KIF26A: variants seen among roughly 807,000 people sequenced by gnomAD.
KIF26A encodes kinesin-like protein KIF26A.
A neutral mutation model predicts 126.0 loss-of-function variants in KIF26A; 74 were observed. The observed-to-expected ratio is 0.59, with a 90% CI of 0.49 to 0.71. The LOEUF (loss-of-function observed/expected upper bound fraction) is 0.71. Ranked by LOEUF, KIF26A falls within the 30% of genes least tolerant of loss-of-function variation. KIF26A has a pLI of 0.00. For missense variants in KIF26A, 2,984 were observed against 2,763.3 expected (o/e 1.08, Z -1.79); for synonymous variants, 1,445 against 1,232.7 (o/e 1.17, Z -3.61).
At chr14:104,163,719 A>G (rs1319762336) in intron 4 of KIF26A, among the ~76,000 whole-genome samples, 2 of 146,758 alleles carry the variant, frequency 1.4e-5, no homozygotes, top group Non-Finnish European at 3.0e-5. Flanking sequence ...CGGGGCGGCC[A>G]TGGGCCCCGA....
intron 5 of KIF26A, among the ~76,000 whole-genome samples, chr14:104,171,009 C>T: frequency 6.6e-6 from 1 of 152,264 alleles, no homozygotes; most frequent in East Asian, 1.9e-4. Context: ...CCAACCCACC[C>T]TCAGCCTGCC....
chr14:104,176,728 G>C lies in KIF26A; in HGVS notation c.3940G>C (p.Gly1314Arg). The C allele has an allele frequency of 1.9e-6, 3 of 1,587,702 alleles. No individual in the cohort carries two copies. The highest frequency in any genetic ancestry group is 2.6e-6 in the Non-Finnish European group (3 of 1,168,134). ...PPLRRGATTLGVTTPAVSWGD... is the reference protein window; with the variant it reads ...PPLRRGATTLRVTTPAVSWGD... ...GCTGCGGAGGGGTGCCACCACGCTG[G>C]GTGTGACAACGCCAGCTGTGTCCTG... Residue 1314 changes from glycine (G) to arginine (R), a missense_variant, in exon 12 of 15, where the codon GGT (glycine) becomes CGT (arginine). Gly to Arg is a moderately radical substitution (Grantham distance 125, BLOSUM62 -2). Coordinates refer to ENST00000423312, the MANE Select transcript of KIF26A (RefSeq NM_015656.2).
At position 104,145,212 on chromosome 14, in the gene KIF26A, C is replaced by T. The variant is rs573911570; in HGVS notation, c.288+5924C>T. 3.3e-5 allele frequency among the ~76,000 whole-genome samples: 5 copies of T among 152,374 alleles called. No homozygotes were observed. In the South Asian group the frequency reaches 8.3e-4, roughly 25 times the overall value. ...GTCGTCACTGTTGCTTCTTCCGGCGCTCAGGGTCACTTTTCCTTCCAGTGT... is the reference window on the plus strand; with the variant it reads ...GTCGTCACTGTTGCTTCTTCCGGCGTTCAGGGTCACTTTTCCTTCCAGTGT... On this transcript the variant is annotated intron_variant, in intron 2 of 14. Transcript: ENST00000423312.
chr14:104,143,247 A>G (rs1445999013), intron 2 of KIF26A, among the ~76,000 whole-genome samples: 2 of 152,188 alleles, frequency 1.3e-5, no homozygotes, highest in East Asian at 1.9e-4. Context: ...GCAGCTGAAC[A>G]GTGAGGGAAG....
chr14:104,166,384 T>C (rs2037902704), intron 4 of KIF26A, among the ~76,000 whole-genome samples: 1 of 152,142 alleles, frequency 6.6e-6, no homozygotes, highest in Non-Finnish European at 1.5e-5. Flanking sequence ...GCCTCCATTG[T>C]CACCTCATCC....
At chr14:104,162,236 A>G (rs2037839933) in intron 4 of KIF26A, among the ~76,000 whole-genome samples, 1 of 152,148 alleles carries the variant, frequency 6.6e-6, no homozygotes, top group Non-Finnish European at 1.5e-5. Flanking sequence ...GATGGGCCCC[A>G]GGAGGAGGAG....
In KIF26A at chr14:104,172,698, T is replaced by C. The variant is rs1004880; in HGVS notation, c.1420+30T>C. The C allele has an allele frequency of 3.2e-3, 4,873 of 1,519,850 alleles. 149 individuals carry two copies. The African/African-American group carries it at 0.061, about 19-fold the overall frequency. The allele number at this position is 1,519,850 out of a possible 1,614,324, so 94.1% of individuals were successfully genotyped here. On this transcript the variant is annotated intron_variant, in intron 7 of 14. Coordinates refer to ENST00000423312, the MANE Select transcript of KIF26A (RefSeq NM_015656.2). ...GCACCCTTGCCCCACCCTAGATGGG[T>C]CCTGCTGGCCACCCCCTCCCATCCT... is the stretch of plus-strand genomic sequence containing the variant.
At chr14:104,147,597 C>T (rs149784270) in intron 2 of KIF26A, among the ~76,000 whole-genome samples, 2,181 of 152,282 alleles carry the variant, frequency 0.014, 22 homozygotes, top group Middle Eastern at 0.024. Flanking sequence ...ACTGGAGCAC[C>T]GAGCCCGCTC....
chr14:104,167,200 G>A (rs550426806), intron 5 of KIF26A, among the ~76,000 whole-genome samples, 152 bp downstream of exon 5: 2 of 152,300 alleles, frequency 1.3e-5, no homozygotes, highest in East Asian at 3.9e-4. Flanking sequence ...CTGAGGCCCA[G>A]GTGGCAGCAG....
chr14:104,153,792 G>A (rs1285534054), intron 3 of KIF26A, among the ~76,000 whole-genome samples: 3 of 152,248 alleles, frequency 2.0e-5, no homozygotes, highest in South Asian at 4.1e-4. Context: ...AGGCACCTCC[G>A]TCTCCTGCTG....
At chr14:104,166,465 C>T (rs1477295099) in intron 4 of KIF26A, among the ~76,000 whole-genome samples, 1 of 152,160 alleles carries the variant, frequency 6.6e-6, no homozygotes, top group Non-Finnish European at 1.5e-5. Flanking sequence ...CTGTGCATGG[C>T]TGCCCACAGC....
At position 104,169,294 on chromosome 14, in the gene KIF26A, CT is replaced by C. The variant is rs372827335; in HGVS notation, c.1113+2247del. On this transcript the variant is annotated intron_variant, in intron 5 of 14. Transcript: ENST00000423312. ...CTCTGGCCTGGGCCTGGCACTCAGC[CT>C]GTTTGTGCCATCCAGTTGGGGCGGG... 7.0e-4 allele frequency among the ~76,000 whole-genome samples: 106 copies of C among 152,348 alleles called. 1 individual carries two copies. Among genetic ancestry groups the C allele is most frequent in the African/African-American group, 2.5e-3 (105 of 41,584 alleles).
At chr14:104,177,981 C>T (rs2038054214) in intron 12 of KIF26A, 83 bp downstream of exon 12, 7 of 1,353,406 alleles carry the variant, frequency 5.2e-6, no homozygotes, top group Admixed American at 6.1e-5. Flanking sequence ...TTTACAGGGC[C>T]AGGAGATGCT....
chr14:104,179,177 C>T (rs961355618), intron 13 of KIF26A, 59 bp from the exon 14 acceptor site: 1 of 1,413,080 alleles, frequency 7.1e-7, no homozygotes, highest in Non-Finnish European at 9.2e-7. Context: ...ATCAGGGCTG[C>T]TTGGGGGTCT....
At chr14:104,149,917 C>T (rs898730724) in intron 2 of KIF26A, among the ~76,000 whole-genome samples, 2 of 152,226 alleles carry the variant, frequency 1.3e-5, no homozygotes, top group Admixed American at 6.5e-5. Flanking sequence ...CTTCCTTCCC[C>T]TTCACACGGG....
chr14:104,145,760 C>T (rs902791486), intron 2 of KIF26A, among the ~76,000 whole-genome samples: 21 of 152,250 alleles, frequency 1.4e-4, no homozygotes, highest in Admixed American at 3.9e-4. Flanking sequence ...CTGCCGCCAA[C>T]GTGGCCTCCA....
Position 104,177,605 on chromosome 14 carries a change from G to T in KIF26A, c.4817G>T (p.Gly1606Val). Residue 1606 changes from glycine (G) to valine (V), a missense_variant, in exon 12 of 15, where the codon GGC (glycine) becomes GTC (valine). Transcript: ENST00000423312. ...VNVGEERPPT[G>V]PALPSPYSKV... ...GTGGGGGAGGAGCGGCCACCCACGG[G>T]CCCGGCCCTGCCCTCCCCCTACAGC... 1.5e-5 allele frequency: 23 copies of T among 1,527,830 alleles called. No homozygotes were observed. The highest frequency in any genetic ancestry group is 1.9e-5 in the Non-Finnish European group (22 of 1,142,276). The allele number at this position is 1,527,830 out of a possible 1,614,324, so 94.6% of individuals were successfully genotyped here.
Position 104,177,469 on chromosome 14 carries a change from C to G in KIF26A, c.4681C>G (p.Arg1561Gly). The G allele has an allele frequency of 6.5e-7, 1 of 1,532,370 alleles. No homozygotes were observed. Among genetic ancestry groups the G allele is most frequent in the South Asian group, 1.2e-5 (1 of 83,528 alleles). 94.9% of individuals were successfully genotyped at this position (1,532,370 alleles called of 1,614,324 possible). Residue 1561 changes from arginine to glycine, a missense_variant, in exon 12 of 15, where the codon CGG becomes GGG. Coordinates refer to ENST00000423312, the MANE Select transcript of KIF26A (RefSeq NM_015656.2). ...GTVMGTKQAL[R>G]AAHSRVHELS... The stretch of plus-strand genomic sequence containing the variant: ...CGTCATGGGCACAAAGCAGGCGCTC[C>G]GGGCTGCTCACAGCCGCGTCCATGA...
chr14:104,173,009 T>C lies in KIF26A; in HGVS notation c.1453T>C (p.Ser485Pro). 1.9e-6 allele frequency: 3 copies of C among 1,603,664 alleles called. No homozygotes were observed. Among genetic ancestry groups the C allele is most frequent in the South Asian group, 2.2e-5 (2 of 89,978 alleles). ...KSYTMIGKDS[S>P]PQSLGIVPCA... is the part of the protein sequence containing the mutation. ...GTACACCATGATCGGGAAGGACAGCTCACCCCAGAGCCTGGGCATCGTGCC... is the reference window on the plus strand; with the variant it reads ...GTACACCATGATCGGGAAGGACAGCCCACCCCAGAGCCTGGGCATCGTGCC... Residue 485 changes from serine to proline, a missense_variant, in exon 8 of 15, where the codon TCA becomes CCA. By Grantham distance (74) the Ser-to-Pro change is moderately conservative. Transcript: ENST00000423312.
Sources: gnomAD v4.1 joint callset for allele counts (sites outside exome capture counted in the v4.1 genomes callset) on GRCh38, gnomAD v4.1.1 for gene constraint, MANE v1.5 for transcripts, NCBI Gene and HGNC (gene_info 2026-07-23, HGNC 2026-07-21) for gene names.